The following GDPD4 variants were observed in gnomAD, a reference collection of about 807,000 sequenced individuals.
The protein encoded by GDPD4 is glycerophosphodiester phosphodiesterase domain containing 4, also known as glycerophosphodiester phosphodiesterase 6.
GDPD4 carries 60 observed loss-of-function variants against 67.8 expected under a neutral mutation model. The ratio of observed to expected loss-of-function variants is 0.88; its 90% CI spans 0.72 to 1.10. The LOEUF is 1.10. Ranked by LOEUF, GDPD4 falls within the 50% of genes least tolerant of loss-of-function variation. The pLI is 0.00. For missense variants in GDPD4, 623 were observed against 613.9 expected, an observed-to-expected ratio of 1.01 and a Z score of -0.16; for synonymous variants, 212 against 210.9, an observed-to-expected ratio of 1.00 and a Z score of -0.04.
At position 77,261,516 on chromosome 11, in the gene GDPD4, G is replaced by A. The variant is rs145941011; in HGVS notation, c.708-2974C>T. ...GCCTCCCAAAATGCTGGGATTACAG[G>A]CTTGAGCCACCACGCCCAGCCAAAT... On this transcript the variant is annotated intron_variant, in intron 10 of 16. Transcript: ENST00000315938. Among the ~76,000 whole-genome samples, 1,204 of 152,312 alleles carry A rather than the reference G, an allele frequency of 7.9e-3. 16 individuals are homozygous for A. Among genetic ancestry groups the A allele is most frequent in the African/African-American group, 0.027 (1,137 of 41,572 alleles).
chr11:77,229,250 C>T lies in GDPD4; in HGVS notation c.1390-18G>A, dbSNP rs1380375995. ...TTTGGTGTCTGAAAAACATAAACCA[C>T]AGTGAAAGAACTTTACAGTTAGAAG... On this transcript the variant is annotated intron_variant, in intron 14 of 16. Coordinates refer to ENST00000315938, the MANE Select transcript of GDPD4 (RefSeq NM_182833.3). The T allele has an allele frequency of 1.3e-6, 2 of 1,490,576 alleles. No homozygotes were observed. The highest frequency in any genetic ancestry group is 3.6e-5 in the Admixed American group (2 of 55,984). The allele number at this position is 1,490,576 out of a possible 1,614,324, so 92.3% of individuals were successfully genotyped here. A position where few individuals can be genotyped will look rare whatever the true frequency, so the allele number is the denominator to read the frequency against.
intron 13 of GDPD4, among the ~76,000 whole-genome samples, chr11:77,234,357 T>G (rs975226641): frequency 4.6e-5 from 7 of 152,182 alleles, no homozygotes; most frequent in Non-Finnish European, 8.8e-5. Flanking sequence ...TCACATTCCT[T>G]GTTTGTTTAA....
chr11:77,258,766 C>G lies in GDPD4; in HGVS notation c.708-224G>C, dbSNP rs113944702. On this transcript the variant is annotated intron_variant, in intron 10 of 16. Transcript: ENST00000315938. ...CATGATATATAATCACATTAGTGAT[C>G]GTGAAAGACTAGCTTCTCTATTCAG... is the stretch of plus-strand genomic sequence containing the variant. Among the ~76,000 whole-genome samples the G allele has an allele frequency of 3.4e-3, 520 of 152,256 alleles. 2 individuals carry two copies. The highest frequency in any genetic ancestry group is 0.012 in the African/African-American group (484 of 41,532).
intron 10 of GDPD4, among the ~76,000 whole-genome samples, chr11:77,261,558 T>C (rs758201633): frequency 5.3e-5 from 8 of 152,180 alleles, no homozygotes; most frequent in Non-Finnish European, 1.0e-4. Context: ...TCTAGACACC[T>C]CAACTGACTG....
intron 11 of GDPD4, among the ~76,000 whole-genome samples, chr11:77,256,598 A>G (rs1959007930): frequency 6.6e-6 from 1 of 152,174 alleles, no homozygotes; most frequent in Non-Finnish European, 1.5e-5. Context: ...GTGACCTCCA[A>G]TGTTGGAAGT....
At position 77,271,405 on chromosome 11, in the gene GDPD4, G is replaced by A. The variant is rs768440070; in HGVS notation, c.208-12C>T. ...AGCAGAATCAGGATCTAGGGAAACA[G>A]AAAAAAAATCTCCTGACTTCAAGCA... On this transcript the variant is annotated splice_polypyrimidine_tract_variant and intron_variant, in intron 5 of 16. Coordinates refer to ENST00000315938, the MANE Select transcript of GDPD4 (RefSeq NM_182833.3). 6.4e-7 allele frequency: 1 copy of A among 1,561,382 alleles called. No homozygotes were observed. The highest frequency in any genetic ancestry group is 2.2e-5 in the East Asian group (1 of 44,640).
At chr11:77,264,547 A>G (rs1234808417) in intron 10 of GDPD4, among the ~76,000 whole-genome samples, 1 of 152,198 alleles carries the variant, frequency 6.6e-6, no homozygotes, top group African/African-American at 2.4e-5. Context: ...AAATAAAGAA[A>G]GTCTTTCAAA....
chr11:77,297,439 G>A (rs1233812607), intron 1 of GDPD4, among the ~76,000 whole-genome samples: 1 of 151,754 alleles, frequency 6.6e-6, no homozygotes, highest in Non-Finnish European at 1.5e-5. Context: ...GGGAGGCTGA[G>A]GCAGGAGAAT....
chr11:77,283,851 A>ATTTT (rs71272229), intron 3 of GDPD4, among the ~76,000 whole-genome samples: 10 of 124,540 alleles, frequency 8.0e-5, no homozygotes, highest in Admixed American at 1.7e-4. Context: ...GACATAATGA[A>ATTTT]TTTTTTTTTT....
intron 13 of GDPD4, among the ~76,000 whole-genome samples, chr11:77,235,609 T>C (rs916855125): frequency 6.6e-6 from 1 of 152,212 alleles, no homozygotes; most frequent in African/African-American, 2.4e-5. Flanking sequence ...CAGGAGTAAC[T>C]AGACAGCTAC....
Position 77,216,791 on chromosome 11 carries a change from C to T in GDPD4, c.*486G>A, listed in dbSNP as rs544991125. On this transcript the variant is annotated 3_prime_UTR_variant, in exon 17 of 17. Coordinates refer to ENST00000315938, the MANE Select transcript of GDPD4 (RefSeq NM_182833.3). ...ATCAACCACTCCCCACCATCACCACCCTTAGGCAGAGAGAGGAAGAAGCAG... is the reference window on the plus strand; with the variant it reads ...ATCAACCACTCCCCACCATCACCACTCTTAGGCAGAGAGAGGAAGAAGCAG... The T allele has an allele frequency of 2.6e-4, 159 of 611,598 alleles. No homozygotes were observed. The highest frequency in any genetic ancestry group is 2.5e-3 in the African/African-American group (135 of 54,256). The allele number at this position is 611,598 out of a possible 1,614,324, so 37.9% of individuals were successfully genotyped here.
chr11:77,229,797 C>A (rs1170324676), intron 14 of GDPD4, among the ~76,000 whole-genome samples: 1 of 152,150 alleles, frequency 6.6e-6, no homozygotes, highest in African/African-American at 2.4e-5. Flanking sequence ...TGCTGAAGTA[C>A]AATTACCCCT....
chr11:77,277,519 C>T (rs1959538384), intron 4 of GDPD4, among the ~76,000 whole-genome samples: 1 of 149,304 alleles, frequency 6.7e-6, no homozygotes, highest in Non-Finnish European at 1.5e-5. Context: ...TCTCCTGCCT[C>T]AGCCTCCCGA....
chr11:77,249,681 C>T (rs942087646), intron 11 of GDPD4, among the ~76,000 whole-genome samples: 1 of 152,138 alleles, frequency 6.6e-6, no homozygotes, highest in African/African-American at 2.4e-5. Flanking sequence ...AAAACTTGAA[C>T]CATCACTGAC....
chr11:77,260,175 T>C (rs1959084683), intron 10 of GDPD4, among the ~76,000 whole-genome samples: 1 of 152,026 alleles, frequency 6.6e-6, no homozygotes, highest in Admixed American at 6.5e-5. Flanking sequence ...GGCATGGTGG[T>C]ACACGCCTGT....
At chr11:77,266,694 C>T (rs1395672595) in intron 10 of GDPD4, among the ~76,000 whole-genome samples, 1 of 152,084 alleles carries the variant, frequency 6.6e-6, no homozygotes, top group Non-Finnish European at 1.5e-5. Flanking sequence ...GATCCTGACC[C>T]TGTGTAAGCC....
At chr11:77,221,887 A>G (rs953675540) in intron 16 of GDPD4, among the ~76,000 whole-genome samples, 4 of 150,634 alleles carry the variant, frequency 2.7e-5, no homozygotes, top group African/African-American at 7.3e-5. Flanking sequence ...GTAGGTCACT[A>G]AGGACTTGCT....
At chr11:77,282,383 G>A (rs950612381) in intron 3 of GDPD4, among the ~76,000 whole-genome samples, 1 of 152,102 alleles carries the variant, frequency 6.6e-6, no homozygotes, top group Admixed American at 6.5e-5. Flanking sequence ...GGCTGGGTGC[G>A]GTAGCTCACA....
At position 77,252,156 on chromosome 11, in the gene GDPD4, C is replaced by T. The variant is rs142859904; in HGVS notation, c.864+6230G>A. Among the ~76,000 whole-genome samples the T allele has an allele frequency of 9.2e-3, 1,395 of 151,460 alleles. 13 individuals are homozygous for T. The highest frequency in any genetic ancestry group is 0.015 in the Non-Finnish European group (1,028 of 67,864). Reference sequence around the variant, plus strand: ...TTGACTCACTGCAACCTCCCCCTCCCGGGTTCAAGCATTCTCCTGTCTCAG... The same window carrying T: ...TTGACTCACTGCAACCTCCCCCTCCTGGGTTCAAGCATTCTCCTGTCTCAG... On this transcript the variant is annotated intron_variant, in intron 11 of 16. Transcript: ENST00000315938.
Sources: gnomAD v4.1 joint callset for allele counts (sites outside exome capture counted in the v4.1 genomes callset) on GRCh38, gnomAD v4.1.1 for gene constraint, MANE v1.5 for transcripts, NCBI Gene and HGNC (gene_info 2026-07-23, HGNC 2026-07-21) for gene names.